Variants in SLC5A7 observed in about 807,000 individuals in gnomAD.
The protein encoded by SLC5A7 is high affinity choline transporter 1.
In SLC5A7, 19 loss-of-function variants were observed where a neutral mutation model predicts 55.4. The observed-to-expected ratio is 0.34, with a 90% CI of 0.24 to 0.50. SLC5A7 has a LOEUF of 0.50. Among genes scored for constraint, SLC5A7 ranks in the 20% least tolerant of loss-of-function variants. The pLI, the probability that SLC5A7 is intolerant of heterozygous loss-of-function variation, is 0.98. For synonymous variants in SLC5A7, 265 were observed against 263.7 expected, an observed-to-expected ratio of 1.00 and a Z score of -0.05; for missense variants, 506 against 705.3, an observed-to-expected ratio of 0.72 and a Z score of 3.20.
rs571755969 is a variant in SLC5A7 at position 108,001,902 on chromosome 2, C to G, written c.603C>G (p.Ile201Met). 1 of 1,613,808 alleles carries G rather than the reference C, an allele frequency of 6.2e-7. No individual in the cohort carries two copies. The highest frequency in any genetic ancestry group is 1.3e-5 in the African/African-American group (1 of 74,890). Residue 201 changes from isoleucine to methionine, a missense_variant, in exon 6 of 9, where the codon ATC becomes ATG. Ile to Met is a conservative substitution (Grantham distance 10). Coordinates refer to ENST00000264047, the MANE Select transcript of SLC5A7 (RefSeq NM_021815.5). ...QLFCIFVGLWISVPFALSHPA... is the reference protein window; with the variant it reads ...QLFCIFVGLWMSVPFALSHPA... ...AGTGTCACTTTCTGTTGCAGTGGAT[C>G]AGCGTCCCCTTTGCATTGTCACATC...
At chr2:108,002,837 GCAGGAC>G (rs1285553474) in intron 6 of SLC5A7, among the ~76,000 whole-genome samples, 2 of 151,974 alleles carry the variant, frequency 1.3e-5, no homozygotes, top group African/African-American at 4.8e-5. Flanking sequence ...GGACAACATA[GCAGGAC>G]CCCATCTCTA....
chr2:108,001,182 T>A (rs1677878154), intron 5 of SLC5A7, among the ~76,000 whole-genome samples: 1 of 151,890 alleles, frequency 6.6e-6, no homozygotes, highest in Non-Finnish European at 1.5e-5. Flanking sequence ...GGGATATATA[T>A]CTCAATAGCT....
chr2:108,008,409 G>A, intron 7 of SLC5A7, 56 bp from the exon 8 acceptor site: 3 of 1,417,344 alleles, frequency 2.1e-6, no homozygotes, highest in South Asian at 1.2e-5. Context: ...ACCCCAGATG[G>A]ATAAAGAACA....
intron 3 of SLC5A7, among the ~76,000 whole-genome samples, chr2:107,992,583 G>A (rs1677489244): frequency 6.6e-6 from 1 of 152,148 alleles, no homozygotes; most frequent in African/African-American, 2.4e-5. Flanking sequence ...GAGGTCAAAA[G>A]TATTATATAA....
rs1343470897 is a variant in SLC5A7 at position 107,990,027 on chromosome 2, A to T, written c.178+1694A>T. ...CAAAATAACCTTGGTCAATATCATA[A>T]TTCATTTAAAATCTGAACCATACTA... On this transcript the variant is annotated intron_variant, in intron 2 of 8. Coordinates refer to ENST00000264047, the MANE Select transcript of SLC5A7 (RefSeq NM_021815.5). Among the ~76,000 whole-genome samples, 4 of 152,158 alleles carry T rather than the reference A, an allele frequency of 2.6e-5. No homozygotes were observed. The East Asian group carries it at 7.7e-4, about 29-fold the overall frequency.
chr2:107,999,186 C>T (rs1414219945), intron 5 of SLC5A7, among the ~76,000 whole-genome samples: 1 of 152,208 alleles, frequency 6.6e-6, no homozygotes, highest in Non-Finnish European at 1.5e-5. Flanking sequence ...AGGACTCCCA[C>T]TATTTTGTAT....
intron 4 of SLC5A7, among the ~76,000 whole-genome samples, chr2:107,994,189 T>C (rs72826950): frequency 0.023 from 3,466 of 152,262 alleles, 61 homozygotes; most frequent in Middle Eastern, 0.041. Context: ...GCACATCCAA[T>C]TTCATCCCGC....
chr2:108,010,911 T>C lies in SLC5A7; in HGVS notation c.*50T>C. 6.7e-7 allele frequency: 1 copy of C among 1,496,792 alleles called. No homozygotes were observed. The allele number at this position is 1,496,792 out of a possible 1,614,324, so 92.7% of individuals were successfully genotyped here. A position where few individuals can be genotyped will look rare whatever the true frequency, so the allele number is the denominator to read the frequency against. ...TTGCAAACAGAACACTGTAATAGGGTAGTTCTGGAGAGATGGTATGCAGCA... is the reference window on the plus strand; with the variant it reads ...TTGCAAACAGAACACTGTAATAGGGCAGTTCTGGAGAGATGGTATGCAGCA... On this transcript the variant is annotated 3_prime_UTR_variant, in exon 9 of 9. Transcript: ENST00000264047.
rs199636877 is a variant in SLC5A7 at position 108,010,760 on chromosome 2, C to T, written c.1642C>T (p.Arg548Ter). ...KLDELALVKP[R>*]QSMTLSSTFT... The stretch of plus-strand genomic sequence containing the variant: ...AGATGAACTTGCACTTGTGAAGCCA[C>T]GACAGAGCATGACCCTCAGCTCAAC... Residue 548 changes from arginine to a stop codon, truncating the protein, a stop_gained, in exon 9 of 9, where the codon CGA becomes TGA. Transcript: ENST00000264047. LOFTEE classifies it high-confidence loss of function. 39 of 1,613,518 alleles carry T rather than the reference C, an allele frequency of 2.4e-5. No homozygotes were observed. The highest frequency in any genetic ancestry group is 5.5e-5 in the South Asian group (5 of 91,068).
intron 5 of SLC5A7, 50 bp downstream of exon 5, chr2:107,998,036 T>A (rs1016875174): frequency 6.4e-7 from 1 of 1,557,948 alleles, no homozygotes; most frequent in Non-Finnish European, 8.7e-7. Flanking sequence ...TAAAAGGTAA[T>A]GTATTTTATA....
intron 5 of SLC5A7, 106 bp downstream of exon 5, chr2:107,998,092 A>G: frequency 1.8e-6 from 2 of 1,103,710 alleles, no homozygotes; most frequent in Non-Finnish European, 1.2e-6. Flanking sequence ...CCTCATGAGT[A>G]ATACATACTA....
chr2:107,991,068 G>T (rs904796089), intron 2 of SLC5A7, among the ~76,000 whole-genome samples: 1 of 152,124 alleles, frequency 6.6e-6, no homozygotes, highest in Non-Finnish European at 1.5e-5. Flanking sequence ...TTCAACATTA[G>T]TTTTTCAGCA....
Position 108,008,657 on chromosome 2 carries a change from T to A in SLC5A7, c.1088T>A (p.Ile363Asn). The A allele has an allele frequency of 6.2e-7, 1 of 1,613,142 alleles. No homozygotes were observed. The highest frequency in any genetic ancestry group is 8.5e-7 in the Non-Finnish European group (1 of 1,179,634). ...GCAAGTTCCATGTTTGCACGGAACA[T>A]CTACCAGCTTTCCTTCAGACAAAAT... is the stretch of plus-strand genomic sequence containing the variant. ...LSASSMFARN[I>N]YQLSFRQNAS... The change falls in exon 8 of 9, where the codon ATC becomes AAC. Residue 363 changes from isoleucine to asparagine, a missense_variant. Ile to Asn is a moderately radical substitution (Grantham distance 149). Transcript: ENST00000264047.
chr2:108,001,801 C>A, intron 5 of SLC5A7, 96 bp from the exon 6 acceptor site: 3 of 1,308,894 alleles, frequency 2.3e-6, no homozygotes, highest in African/African-American at 1.5e-5. Context: ...ACTAGAGGAA[C>A]TACTGAGCTG....
At chr2:107,989,311 C>A (rs1462445777) in intron 2 of SLC5A7, among the ~76,000 whole-genome samples, 1 of 152,120 alleles carries the variant, frequency 6.6e-6, no homozygotes, top group Non-Finnish European at 1.5e-5. Context: ...CAATTTCAGT[C>A]CCGAAGGGCA....
intron 4 of SLC5A7, among the ~76,000 whole-genome samples, chr2:107,994,312 G>A (rs768125411): frequency 7.2e-5 from 11 of 152,190 alleles, no homozygotes; most frequent in Non-Finnish European, 1.5e-4. Flanking sequence ...GGCCGGGCGC[G>A]GTGGCTCACG....
chr2:107,994,413 C>G (rs569142990), intron 4 of SLC5A7, among the ~76,000 whole-genome samples: 61 of 152,200 alleles, frequency 4.0e-4, no homozygotes, highest in African/African-American at 1.5e-3. Context: ...GAAACCCCAT[C>G]TCTACTAAAA....
chr2:107,987,582 A>G (rs1290328059), intron 1 of SLC5A7, among the ~76,000 whole-genome samples: 4 of 152,216 alleles, frequency 2.6e-5, no homozygotes, highest in African/African-American at 9.6e-5. Context: ...AGATATTTTT[A>G]TATCAGATTA....
chr2:107,994,387 T>G (rs1015378051), intron 4 of SLC5A7, among the ~76,000 whole-genome samples: 8 of 151,996 alleles, frequency 5.3e-5, no homozygotes, highest in Admixed American at 2.6e-4. Context: ...ATCGAGACCA[T>G]CCTGGCCAAC....
Sources: allele counts gnomAD v4.1 joint callset (sites outside exome capture counted in the v4.1 genomes callset), GRCh38; gene constraint gnomAD v4.1.1; transcripts MANE v1.5; gene names NCBI Gene and HGNC (gene_info 2026-07-23, HGNC 2026-07-21).